Variants in GOLGA5 observed in about 807,000 individuals in gnomAD.
GOLGA5 encodes the protein golgin A5, also known as golgin subfamily A member 5.
A neutral mutation model predicts 93.5 loss-of-function variants in GOLGA5; 50 were observed. The ratio of observed to expected loss-of-function variants is 0.53; its 90% confidence interval spans 0.43 to 0.68. The LOEUF (loss-of-function observed/expected upper bound fraction) is 0.68, where lower values mean the gene tolerates loss of function less well. Ranked by LOEUF, GOLGA5 falls within the 30% of genes least tolerant of loss-of-function variation. The pLI, the probability that GOLGA5 is intolerant of heterozygous loss-of-function variation, is 0.00. For synonymous variants in GOLGA5, 312 were observed against 304.5 expected (o/e 1.02, Z -0.26); for missense variants, 760 against 856.4 (o/e 0.89, Z 1.40).
At chr14:92,808,663 G>GTTT (rs34306917) in intron 3 of GOLGA5, among the ~76,000 whole-genome samples, 2 of 133,826 alleles carry the variant, frequency 1.5e-5, no homozygotes. Flanking sequence ...ATGTTTTTGG[G>GTTT]TTTTTTTTTT....
intron 8 of GOLGA5, among the ~76,000 whole-genome samples, chr14:92,821,934 G>A (rs2140327990): frequency 6.6e-6 from 1 of 152,246 alleles, no homozygotes; most frequent in South Asian, 2.1e-4. Context: ...ATTTTGTTAT[G>A]GCAGATGGTT....
At chr14:92,830,064 A>AGTGGTGG (rs1829061865) in intron 9 of GOLGA5, among the ~76,000 whole-genome samples, 1 of 152,158 alleles carries the variant, frequency 6.6e-6, no homozygotes, top group Non-Finnish European at 1.5e-5. Context: ...CACGCCTGTA[A>AGTGGTGG]GCCCACCACT....
At chr14:92,815,995 G>A (rs1307716293) in intron 6 of GOLGA5, among the ~76,000 whole-genome samples, 1 of 151,792 alleles carries the variant, frequency 6.6e-6, no homozygotes. Context: ...GTGAGCCACC[G>A]CACCCAGCTG....
rs758404420 is a variant in GOLGA5, at chr14:92,797,761, C to A, written c.324C>A (p.Ser108=). Residue 108 remains serine (S), a synonymous_variant, in exon 2 of 13, where the codon TCC becomes TCA. Coordinates refer to ENST00000163416, the MANE Select transcript of GOLGA5 (RefSeq NM_005113.4). The stretch of plus-strand genomic sequence containing the variant: ...ATGCATCTGTTCCTAGGCCTTCATC[C>A]CATTTTGTGCGAAGAAAAAAGTCAG... The part of the protein sequence containing the change: ...VENASVPRPS[S]HFVRRKKSEP... The A allele has an allele frequency of 9.9e-6, 16 of 1,613,008 alleles. No individual in the cohort carries two copies. In the Admixed American group the frequency reaches 2.7e-4, roughly 27 times the overall value.
At chr14:92,822,817 T>A (rs147746367) in intron 8 of GOLGA5, among the ~76,000 whole-genome samples, 2 of 152,126 alleles carry the variant, frequency 1.3e-5, no homozygotes, top group African/African-American at 4.8e-5. Context: ...CCACTATGGC[T>A]GGCTAATTTT....
chr14:92,798,937 G>A (rs1884799859), intron 2 of GOLGA5, among the ~76,000 whole-genome samples: 1 of 151,992 alleles, frequency 6.6e-6, no homozygotes, highest in Admixed American at 6.6e-5. Flanking sequence ...ATAGAAAAAA[G>A]GCAAAAAACT....
At chr14:92,828,206 A>G (rs1043304503) in intron 9 of GOLGA5, among the ~76,000 whole-genome samples, 1 of 152,216 alleles carries the variant, frequency 6.6e-6, no homozygotes, top group African/African-American at 2.4e-5. Context: ...AGGAGAAGTC[A>G]CTGCCTGGAT....
At chr14:92,811,270 C>G (rs981089743) in intron 5 of GOLGA5, among the ~76,000 whole-genome samples, 1 of 152,162 alleles carries the variant, frequency 6.6e-6, no homozygotes, top group Non-Finnish European at 1.5e-5. Context: ...AACAGATTCC[C>G]AGACCCATCT....
At chr14:92,822,679 C>T (rs1418772757) in intron 8 of GOLGA5, among the ~76,000 whole-genome samples, 8 of 152,042 alleles carry the variant, frequency 5.3e-5, no homozygotes, top group South Asian at 2.1e-4. Flanking sequence ...ATTTTTGAGA[C>T]GGAGTGTCGC....
intron 9 of GOLGA5, among the ~76,000 whole-genome samples, chr14:92,825,408 C>T (rs1885396777): frequency 6.6e-6 from 1 of 152,106 alleles, no homozygotes; most frequent in Non-Finnish European, 1.5e-5. Context: ...TCCCTTCTTC[C>T]CTTGCCTATT....
At chr14:92,798,005 C>A (rs746675878) in intron 2 of GOLGA5, 24 bp downstream of exon 2, 4 of 1,458,374 alleles carry the variant, frequency 2.7e-6, no homozygotes, top group Non-Finnish European at 3.7e-6. Context: ...CCTCTTATTT[C>A]TTTTAGAGTT....
chr14:92,811,393 C>T (rs1479388275), intron 5 of GOLGA5, among the ~76,000 whole-genome samples, 158 bp from the exon 6 acceptor site: 1 of 152,184 alleles, frequency 6.6e-6, no homozygotes, highest in African/African-American at 2.4e-5. Flanking sequence ...CTTTACATTT[C>T]CTATACTTTA....
At position 92,833,367 on chromosome 14, in the gene GOLGA5, C is replaced by T; in HGVS notation, c.1945+20C>T. 1 of 1,427,410 alleles carries T rather than the reference C, an allele frequency of 7.0e-7. No individual in the cohort carries two copies. Among genetic ancestry groups the T allele is most frequent in the Non-Finnish European group, 9.9e-7 (1 of 1,010,528 alleles). 88.4% of individuals were successfully genotyped at this position (1,427,410 alleles called of 1,614,324 possible). A position where few individuals can be genotyped will look rare whatever the true frequency, so the allele number is the denominator to read the frequency against. ...GTGAAGGTAATCAAAAAAGGAATCT[C>T]AAAAGAACATTTCATTCAAACATGC... On this transcript the variant is annotated intron_variant, in intron 10 of 12. Transcript: ENST00000163416.
rs375430593 is a variant in GOLGA5, at chr14:92,809,361, A to G, written c.834A>G (p.Arg278=). ...KWNADHSKSD[R]MTRGLRAQVD... ...ATGCTGACCATTCAAAGAGTGATCG[A>G]ATGACTCGAGGACTCCGAGCCCAAG... Residue 278 remains arginine (R), a synonymous_variant, in exon 4 of 13, where the codon CGA becomes CGG. Coordinates refer to ENST00000163416, the MANE Select transcript of GOLGA5 (RefSeq NM_005113.4). 1.2e-5 allele frequency: 19 copies of G among 1,613,590 alleles called. No homozygotes were observed. Among genetic ancestry groups the G allele is most frequent in the Non-Finnish European group, 1.6e-5 (19 of 1,179,594 alleles).
chr14:92,816,019 T>G (rs1040453210), intron 6 of GOLGA5, among the ~76,000 whole-genome samples: 5 of 152,152 alleles, frequency 3.3e-5, no homozygotes, highest in Admixed American at 2.6e-4. Flanking sequence ...AAAAAAAATC[T>G]TATTCATAAC....
At chr14:92,818,700 G>A (rs1242343092) in intron 7 of GOLGA5, among the ~76,000 whole-genome samples, 1 of 152,190 alleles carries the variant, frequency 6.6e-6, no homozygotes, top group Non-Finnish European at 1.5e-5. Flanking sequence ...AGCATGTGAA[G>A]TTCCAAGGTT....
chr14:92,826,137 G>A (rs1456326268), intron 9 of GOLGA5, among the ~76,000 whole-genome samples: 1 of 152,178 alleles, frequency 6.6e-6, no homozygotes. Flanking sequence ...TTGGGCAACA[G>A]AGAGAGACTT....
At position 92,806,723 on chromosome 14, in the gene GOLGA5, C is replaced by A; in HGVS notation, c.545-13C>A. 2 of 1,571,054 alleles carry A rather than the reference C, an allele frequency of 1.3e-6. No individual in the cohort carries two copies. The highest frequency in any genetic ancestry group is 1.8e-6 in the Non-Finnish European group (2 of 1,141,446). ...CACGCCAATGTAACAAAAACGTATT[C>A]TTTTTTTTACAGAAGCTGCCAGTAA... is the stretch of plus-strand genomic sequence containing the variant. On this transcript the variant is annotated splice_polypyrimidine_tract_variant and intron_variant, in intron 2 of 12. Transcript: ENST00000163416.
Position 92,810,380 on chromosome 14 carries a change from T to G in GOLGA5, c.1116+3T>G. 6.4e-7 allele frequency: 1 copy of G among 1,559,626 alleles called. No individual in the cohort carries two copies. The highest frequency in any genetic ancestry group is 8.6e-7 in the Non-Finnish European group (1 of 1,158,228). ...AGGAGAGCTATAAACAGATGCAGGTTAGAATGAGAGACAGCAGATTCCTAT... is the reference window on the plus strand; with the variant it reads ...AGGAGAGCTATAAACAGATGCAGGTGAGAATGAGAGACAGCAGATTCCTAT... On this transcript the variant is annotated splice_donor_region_variant and intron_variant, in intron 5 of 12. Coordinates refer to ENST00000163416, the MANE Select transcript of GOLGA5 (RefSeq NM_005113.4).
Sources: gnomAD v4.1 joint callset for allele counts (sites outside exome capture counted in the v4.1 genomes callset) on GRCh38, gnomAD v4.1.1 for gene constraint, MANE v1.5 for transcripts, NCBI Gene and HGNC (gene_info 2026-07-23, HGNC 2026-07-21) for gene names.